PARD3: variants seen among roughly 807,000 people sequenced by gnomAD.
PARD3 encodes the protein par-3 family cell polarity regulator.
In PARD3, 75 loss-of-function variants were observed where a neutral mutation model predicts 155.4. That is an observed-to-expected ratio of 0.48 (90% CI 0.40 to 0.58). The LOEUF (loss-of-function observed/expected upper bound fraction) is 0.58. Ranked by LOEUF, PARD3 falls within the 20% of genes least tolerant of loss-of-function variation. The probability of loss-of-function intolerance (pLI) is 0.00; values close to 1 mark genes in which losing one functional copy is unlikely to be tolerated. For synonymous variants in PARD3, 576 were observed against 610.5 expected, an observed-to-expected ratio of 0.94 and a Z score of 0.83; for missense variants, 1,642 against 1,721.7, an observed-to-expected ratio of 0.95 and a Z score of 0.82.
intron 1 of PARD3, among the ~76,000 whole-genome samples, chr10:34,813,242 G>T (rs1259651463): frequency 1.3e-5 from 2 of 152,204 alleles, no homozygotes; most frequent in Non-Finnish European, 2.9e-5. Flanking sequence ...TAAAGTGAAA[G>T]AAAATGTTGA....
chr10:34,195,411 G>A (rs1950892127), intron 22 of PARD3, among the ~76,000 whole-genome samples: 1 of 149,062 alleles, frequency 6.7e-6, no homozygotes, highest in African/African-American at 2.6e-5. Flanking sequence ...TGCACAGAAC[G>A]CCTGCTACAA....
intron 3 of PARD3, among the ~76,000 whole-genome samples, chr10:34,516,411 C>T (rs149105194): frequency 1.6e-3 from 246 of 152,286 alleles, no homozygotes; most frequent in African/African-American, 5.5e-3. Flanking sequence ...GCTAACAGAA[C>T]TCTTCAGGCA....
intron 15 of PARD3, chr10:34,343,773 T>C (rs954916531): frequency 2.0e-6 from 2 of 984,856 alleles, no homozygotes; most frequent in Non-Finnish European, 2.4e-6. Context: ...TTATTTCTGA[T>C]AGGTAAACTT....
chr10:34,746,284 T>C (rs1257792614), intron 1 of PARD3, among the ~76,000 whole-genome samples: 1 of 146,378 alleles, frequency 6.8e-6, no homozygotes, highest in Non-Finnish European at 1.5e-5. Context: ...CTCTACAAAA[T>C]TAAAAAAAAA....
chr10:34,520,776 C>T (rs930782392), intron 2 of PARD3, among the ~76,000 whole-genome samples: 3 of 152,138 alleles, frequency 2.0e-5, no homozygotes, highest in African/African-American at 4.8e-5. Flanking sequence ...AGTTTGACAA[C>T]CCAGCCCATC....
intron 1 of PARD3, among the ~76,000 whole-genome samples, chr10:34,782,381 C>T (rs1840344044): frequency 6.6e-6 from 1 of 152,206 alleles, no homozygotes; most frequent in African/African-American, 2.4e-5. Flanking sequence ...CTGCAACATG[C>T]TCAGAGGCAG....
chr10:34,812,841 G>A (rs1006330545), intron 1 of PARD3, among the ~76,000 whole-genome samples: 16 of 152,074 alleles, frequency 1.1e-4, no homozygotes, highest in African/African-American at 3.9e-4. Flanking sequence ...CACCTTCCCA[G>A]ACACCCTTAA....
intron 2 of PARD3, among the ~76,000 whole-genome samples, chr10:34,634,101 A>C (rs898546028): frequency 6.6e-6 from 1 of 152,218 alleles, no homozygotes; most frequent in Non-Finnish European, 1.5e-5. Flanking sequence ...TGACACTAGA[A>C]GATGAAACTC....
At chr10:34,157,009 A>G (rs768778328) in intron 22 of PARD3, among the ~76,000 whole-genome samples, 2 of 152,246 alleles carry the variant, frequency 1.3e-5, no homozygotes, top group African/African-American at 4.8e-5. Context: ...GTGCTGAATC[A>G]TGAACATGAT....
At chr10:34,264,370 C>G (rs562117068) in intron 22 of PARD3, among the ~76,000 whole-genome samples, 1 of 152,134 alleles carries the variant, frequency 6.6e-6, no homozygotes, top group Non-Finnish European at 1.5e-5. Flanking sequence ...TTATCAGGAC[C>G]GAACACCATT....
chr10:34,750,177 A>G (rs1835815982), intron 1 of PARD3, among the ~76,000 whole-genome samples: 1 of 152,158 alleles, frequency 6.6e-6, no homozygotes, highest in Admixed American at 6.5e-5. Flanking sequence ...AAATAAAAGC[A>G]GAAAATTCGC....
rs74132096 is a variant in PARD3, at chr10:34,704,885, A to G, written c.121-8466T>C. ...GACAAATAAAGTCCTAGTTAGTGATATAACAAATAGAAAACATTTCATTTT... is the reference window on the plus strand; with the variant it reads ...GACAAATAAAGTCCTAGTTAGTGATGTAACAAATAGAAAACATTTCATTTT... On this transcript the variant is annotated intron_variant, in intron 1 of 24. Transcript: ENST00000374788. Among the ~76,000 whole-genome samples, 1,493 of 152,368 alleles carry G rather than the reference A, an allele frequency of 9.8e-3. 25 individuals carry two copies. The highest frequency in any genetic ancestry group is 0.034 in the African/African-American group (1,418 of 41,592).
intron 2 of PARD3, among the ~76,000 whole-genome samples, chr10:34,621,165 C>T (rs2091647440): frequency 6.6e-6 from 1 of 152,024 alleles, no homozygotes; most frequent in African/African-American, 2.4e-5. Context: ...CAGTAGTTTC[C>T]ACTTTTTTTG....
rs1005302977 is a variant in PARD3 at position 34,377,820 on chromosome 10, T to G, written c.1539+147A>C. ...AAAAATAACATGGAAAATCTAAACA[T>G]AAAACAGAAACACATTTTGTGACGC... On this transcript the variant is annotated intron_variant, in intron 10 of 24. Transcript: ENST00000374788. 19 of 519,570 alleles carry G rather than the reference T, an allele frequency of 3.7e-5. No homozygotes were observed. In the Admixed American group the frequency reaches 6.2e-4, roughly 17 times the overall value. The allele number at this position is 519,570 out of a possible 1,614,324, so 32.2% of individuals were successfully genotyped here.
intron 1 of PARD3, among the ~76,000 whole-genome samples, chr10:34,712,393 C>T (rs979273957): frequency 6.6e-6 from 1 of 152,202 alleles, no homozygotes; most frequent in Admixed American, 6.5e-5. Context: ...TGGTGCTGCG[C>T]CCACCTCCTA....
At chr10:34,347,918 G>C in intron 15 of PARD3, 47 bp downstream of exon 15, 1 of 1,521,532 alleles carries the variant, frequency 6.6e-7, no homozygotes, top group Non-Finnish European at 9.0e-7. Context: ...GTAAACCAAT[G>C]AAAGCATCAA....
chr10:34,688,131 G>T lies in PARD3; in HGVS notation c.222+8187C>A, dbSNP rs369762915. ...GCCTCCCAAAGTGCTGGGATTACAG[G>T]CCTGAGCCATGGCGCCTGGCTCTGA... On this transcript the variant is annotated intron_variant, in intron 2 of 24. Coordinates refer to ENST00000374788, the MANE Select transcript of PARD3 (RefSeq NM_001184785.2). 8.0e-4 allele frequency among the ~76,000 whole-genome samples: 122 copies of T among 152,270 alleles called. 1 individual carries two copies. The highest frequency in any genetic ancestry group is 2.9e-3 in the African/African-American group (121 of 41,556).
chr10:34,605,758 CTATA>C (rs1298558446), intron 2 of PARD3, among the ~76,000 whole-genome samples: 37 of 1,420 alleles, frequency 0.026, 5 homozygotes, highest in Middle Eastern at 0.5. Flanking sequence ...TATATATCTC[CTATA>C]TATATATATA....
chr10:34,720,930 T>C (rs2094597108), intron 1 of PARD3, among the ~76,000 whole-genome samples: 1 of 152,100 alleles, frequency 6.6e-6, no homozygotes, highest in South Asian at 2.1e-4. Context: ...TTACACAAAA[T>C]AATTTGCCTT....
Sources: gnomAD v4.1 joint callset for allele counts (sites outside exome capture counted in the v4.1 genomes callset) on GRCh38, gnomAD v4.1.1 for gene constraint, MANE v1.5 for transcripts, NCBI Gene and HGNC (gene_info 2026-07-23, HGNC 2026-07-21) for gene names.